STARD5: variants seen among roughly 807,000 people sequenced by gnomAD.
The protein encoded by STARD5 is stAR-related lipid transfer protein 5.
A neutral mutation model predicts 24.6 loss-of-function variants in STARD5; 26 were observed. The ratio of observed to expected loss-of-function variants is 1.06; its 90% CI spans 0.77 to 1.47. The LOEUF (loss-of-function observed/expected upper bound fraction) is 1.47, where lower values mean the gene tolerates loss of function less well. Among genes scored for constraint, STARD5 ranks in the 40% most tolerant of loss-of-function variants. The pLI, the probability that STARD5 is intolerant of heterozygous loss-of-function variation, is 0.00. For synonymous variants in STARD5, 101 were observed against 99.7 expected, an observed-to-expected ratio of 1.01 and a Z score of -0.07; for missense variants, 254 against 270.8, an observed-to-expected ratio of 0.94 and a Z score of 0.44.
chr15:81,312,763 A>G lies in STARD5; in HGVS notation c.*493T>C, dbSNP rs1900930642. ...ATATTTTGCGGCATTAAAGCCATAT[A>G]CAAGGTCTATATCAGAAAAATATAT... On this transcript the variant is annotated 3_prime_UTR_variant, in exon 6 of 6. Coordinates refer to ENST00000302824, the MANE Select transcript of STARD5 (RefSeq NM_181900.3). The G allele has an allele frequency of 6.6e-6, 1 of 152,386 alleles. No individual in the cohort carries two copies. The highest frequency in any genetic ancestry group is 1.5e-5 in the Non-Finnish European group (1 of 68,112). 9.4% of individuals were successfully genotyped at this position (152,386 alleles called of 1,614,324 possible).
intron 3 of STARD5, among the ~76,000 whole-genome samples, chr15:81,320,885 G>A (rs536471078): frequency 1.3e-5 from 2 of 152,286 alleles, no homozygotes; most frequent in South Asian, 2.1e-4. Flanking sequence ...TCATAAATGC[G>A]ACAAACTCAT....
chr15:81,322,033 C>T (rs569867306), intron 3 of STARD5, among the ~76,000 whole-genome samples: 3 of 152,320 alleles, frequency 2.0e-5, no homozygotes, highest in African/African-American at 7.2e-5. Context: ...AAGCAAAAAG[C>T]GTGAAGACCC....
intron 5 of STARD5, among the ~76,000 whole-genome samples, chr15:81,317,850 T>C (rs1294354895): frequency 2.0e-5 from 3 of 152,160 alleles, no homozygotes; most frequent in African/African-American, 7.2e-5. Context: ...TGTGGCAAAA[T>C]GGGAACAGAG....
intron 5 of STARD5, among the ~76,000 whole-genome samples, chr15:81,316,452 A>G (rs1256776240): frequency 6.6e-6 from 1 of 152,178 alleles, no homozygotes; most frequent in Non-Finnish European, 1.5e-5. Flanking sequence ...CCAGAATGAG[A>G]CTGTGGCTCT....
intron 1 of STARD5, 142 bp downstream of exon 1, chr15:81,323,859 T>A: frequency 1.2e-6 from 1 of 843,238 alleles, no homozygotes; most frequent in Non-Finnish European, 1.9e-6. Context: ...AAGAAAACAA[T>A]CCCCATTGGA....
At chr15:81,314,912 A>C (rs1022731120) in intron 5 of STARD5, among the ~76,000 whole-genome samples, 4 of 150,978 alleles carry the variant, frequency 2.6e-5, no homozygotes, top group African/African-American at 9.7e-5. Context: ...AAAAAAAAAA[A>C]AAAGAATCTC....
chr15:81,310,107 C>T lies in STARD5; in HGVS notation c.*3149G>A, dbSNP rs890807743. 1 of 152,276 alleles carries T rather than the reference C, an allele frequency of 6.6e-6. No individual in the cohort carries two copies. Among genetic ancestry groups the T allele is most frequent in the South Asian group, 2.1e-4 (1 of 4,828 alleles). The allele number at this position is 152,276 out of a possible 1,614,324, so 9.4% of individuals were successfully genotyped here. ...TTTGCATCAGCAACAACCAGCATCC[C>T]TTGACCAGGCCTGGGCCAGAGTATT... On this transcript the variant is annotated 3_prime_UTR_variant, in exon 6 of 6. Coordinates refer to ENST00000302824, the MANE Select transcript of STARD5 (RefSeq NM_181900.3).
chr15:81,322,216 G>A (rs1340623527), intron 3 of STARD5, among the ~76,000 whole-genome samples, 192 bp downstream of exon 3: 1 of 152,190 alleles, frequency 6.6e-6, no homozygotes, highest in Non-Finnish European at 1.5e-5. Context: ...CTCCCTCTCT[G>A]AGTCATGAGG....
intron 5 of STARD5, chr15:81,313,872 A>G (rs915760782): frequency 6.6e-6 from 1 of 152,328 alleles, no homozygotes; most frequent in Non-Finnish European, 1.5e-5. Context: ...ACATGCATAC[A>G]GTGGGGTTTT....
intron 1 of STARD5, chr15:81,323,348 T>C (rs1893326689): frequency 7.0e-6 from 2 of 284,270 alleles, no homozygotes; most frequent in African/African-American, 6.0e-5. Context: ...CAAGCAAAAC[T>C]ACTCCCATGC....
At chr15:81,318,576 G>T in intron 4 of STARD5, 74 bp from the exon 5 acceptor site, 2 of 1,364,438 alleles carry the variant, frequency 1.5e-6, no homozygotes, top group African/African-American at 1.4e-5. Context: ...GTGCCATAGA[G>T]CACACAGACC....
intron 1 of STARD5, 123 bp downstream of exon 1, chr15:81,323,878 C>T (rs773372077): frequency 1.0e-6 from 1 of 994,634 alleles, no homozygotes; most frequent in Non-Finnish European, 1.5e-6. Flanking sequence ...GAATCCCTCT[C>T]AATCGGGTCC....
At position 81,312,461 on chromosome 15, in the gene STARD5, A is replaced by G. The variant is rs1900910734; in HGVS notation, c.*795T>C. 1 of 152,314 alleles carries G rather than the reference A, an allele frequency of 6.6e-6. No homozygotes were observed. The highest frequency in any genetic ancestry group is 2.1e-4 in the South Asian group (1 of 4,830). 9.4% of individuals were successfully genotyped at this position (152,314 alleles called of 1,614,324 possible). ...GGAAAGGCAAATGCCCAAGGGAAAG[A>G]AAAGGAAGGCTCTTCTCCCCAGAGT... On this transcript the variant is annotated 3_prime_UTR_variant, in exon 6 of 6. Coordinates refer to ENST00000302824, the MANE Select transcript of STARD5 (RefSeq NM_181900.3).
Position 81,322,946 on chromosome 15 carries a change from A to G in STARD5, c.102T>C (p.Asn34=), listed in dbSNP as rs776831301. The change falls in exon 2 of 6, where the codon AAT becomes AAC. Residue 34 remains asparagine, a splice_region_variant and synonymous_variant. Transcript: ENST00000302824. Reference sequence around the variant, plus strand: ...ATGGCCTCCAGGAAACTGAAACTCCATTCTGTCAAAAGGCACAGAACCACA... The same window carrying G: ...ATGGCCTCCAGGAAACTGAAACTCCGTTCTGTCAAAAGGCACAGAACCACA... The part of the protein sequence containing the change: ...TAGWKICREG[N]GVSVSWRPSV... 4.3e-6 allele frequency: 7 copies of G among 1,614,088 alleles called. No homozygotes were observed. In the East Asian group the frequency reaches 1.1e-4, roughly 26 times the overall value.
chr15:81,321,874 T>C (rs34465424), intron 3 of STARD5, among the ~76,000 whole-genome samples: 38,475 of 152,142 alleles, frequency 0.25, 5,484 homozygotes, highest in South Asian at 0.43. Flanking sequence ...AATGATGTCA[T>C]TGCTTTGTTC....
At position 81,311,951 on chromosome 15, in the gene STARD5, C is replaced by CTGT. The variant is rs1900878799; in HGVS notation, c.*1304_*1305insACA. 6.6e-6 allele frequency: 1 copy of CTGT among 152,246 alleles called. No homozygotes were observed. 9.4% of individuals were successfully genotyped at this position (152,246 alleles called of 1,614,324 possible). A position where few individuals can be genotyped will look rare whatever the true frequency, so the allele number is the denominator to read the frequency against. On this transcript the variant is annotated 3_prime_UTR_variant, in exon 6 of 6. Coordinates refer to ENST00000302824, the MANE Select transcript of STARD5 (RefSeq NM_181900.3). ...CTCACATCTTGGCACATTTAAGAGACAGTCACCCCAGGACTCAAAAATAGG... is the reference window on the plus strand; with the variant it reads ...CTCACATCTTGGCACATTTAAGAGACTGTAGTCACCCCAGGACTCAAAAATAGG...
At chr15:81,315,552 C>T (rs1465569751) in intron 5 of STARD5, among the ~76,000 whole-genome samples, 1 of 152,202 alleles carries the variant, frequency 6.6e-6, no homozygotes, top group Non-Finnish European at 1.5e-5. Context: ...AGCATCCTTC[C>T]TGTGCACAGT....
chr15:81,319,418 G>A lies in STARD5; in HGVS notation c.321C>T (p.Ala107=). Residue 107 remains alanine, a synonymous_variant, in exon 4 of 6, where the codon GCC becomes GCT. Coordinates refer to ENST00000302824, the MANE Select transcript of STARD5 (RefSeq NM_181900.3). ...AATCTCTGGGAGAAATGAGCTTCATGGCAGCGGAGGGAGTGGAGGTTCTGC... is the reference window on the plus strand; with the variant it reads ...AATCTCTGGGAGAAATGAGCTTCATAGCAGCGGAGGGAGTGGAGGTTCTGC... ...CVSRTSTPSA[A]MKLISPRDFV... is the part of the protein sequence containing the mutation. The A allele has an allele frequency of 1.2e-6, 2 of 1,614,194 alleles. No individual in the cohort carries two copies. The highest frequency in any genetic ancestry group is 1.7e-6 in the Non-Finnish European group (2 of 1,180,038).
intron 3 of STARD5, 30 bp from the exon 4 acceptor site, chr15:81,319,486 A>C: frequency 1.9e-6 from 3 of 1,595,116 alleles, no homozygotes; most frequent in Non-Finnish European, 2.6e-6. Context: ...TGTAGCTGTG[A>C]CTGCTGGCCA....
Sources: allele counts gnomAD v4.1 joint callset (sites outside exome capture counted in the v4.1 genomes callset), GRCh38; gene constraint gnomAD v4.1.1; transcripts MANE v1.5; gene names NCBI Gene and HGNC (gene_info 2026-07-23, HGNC 2026-07-21).